LHFPL3: variants seen among roughly 807,000 people sequenced by gnomAD.
The protein encoded by LHFPL3 is LHFPL tetraspan subfamily member 3 protein.
In LHFPL3, 5 loss-of-function variants were observed where a neutral mutation model predicts 19.3. That is an observed-to-expected ratio of 0.26 (90% CI 0.14 to 0.54). The LOEUF (loss-of-function observed/expected upper bound fraction) is 0.54. LHFPL3 is among the 20% of genes least tolerant of loss of function. The pLI is 0.94. For synonymous variants in LHFPL3, 133 were observed against 126.2 expected, an observed-to-expected ratio of 1.05 and a Z score of -0.36; for missense variants, 249 against 307.4, an observed-to-expected ratio of 0.81 and a Z score of 1.42.
chr7:104,832,853 T>C (rs541484531), intron 2 of LHFPL3, among the ~76,000 whole-genome samples: 34 of 145,546 alleles, frequency 2.3e-4, no homozygotes, highest in African/African-American at 7.0e-4. Context: ...GGCATGTGCC[T>C]ATAGTCTCAG....
At chr7:104,499,740 T>C (rs1008954687) in intron 1 of LHFPL3, among the ~76,000 whole-genome samples, 1 of 152,208 alleles carries the variant, frequency 6.6e-6, no homozygotes, top group South Asian at 2.1e-4. Context: ...AAACTAATGA[T>C]CTCATCCATA....
intron 1 of LHFPL3, among the ~76,000 whole-genome samples, chr7:104,730,491 G>A (rs1292196875): frequency 1.3e-5 from 2 of 152,182 alleles, no homozygotes; most frequent in Non-Finnish European, 2.9e-5. Context: ...TTCTCTGATG[G>A]CCAGTGATGG....
At chr7:104,492,580 A>G (rs1257339569) in intron 1 of LHFPL3, among the ~76,000 whole-genome samples, 4 of 152,266 alleles carry the variant, frequency 2.6e-5, no homozygotes, top group Admixed American at 6.5e-5. Flanking sequence ...CATTTAGCAC[A>G]GAGGAACTTC....
At chr7:104,892,357 T>C (rs779393023) in intron 2 of LHFPL3, among the ~76,000 whole-genome samples, 3 of 152,078 alleles carry the variant, frequency 2.0e-5, no homozygotes, top group Non-Finnish European at 4.4e-5. Context: ...TGTGTTCAGC[T>C]CACTGTAAAA....
chr7:104,638,743 A>G (rs918529630), intron 1 of LHFPL3, among the ~76,000 whole-genome samples: 2 of 149,860 alleles, frequency 1.3e-5, no homozygotes, highest in African/African-American at 4.9e-5. Flanking sequence ...GATGAAGCCT[A>G]CTTGATCATG....
Position 104,496,305 on chromosome 7 carries a change from T to A in LHFPL3, c.445+167081T>A, listed in dbSNP as rs544912864. Among the ~76,000 whole-genome samples the A allele has an allele frequency of 3.9e-3, 594 of 152,294 alleles. 4 individuals carry two copies. The highest frequency in any genetic ancestry group is 6.3e-3 in the Admixed American group (97 of 15,290). On this transcript the variant is annotated intron_variant, in intron 1 of 2. Transcript: ENST00000424859. The stretch of plus-strand genomic sequence containing the variant: ...CCCTACAAAGGACATGAATTCATCC[T>A]TTTTTATGGCTGCATAGTATTCCAT...
chr7:104,640,701 G>C (rs1472790267), intron 1 of LHFPL3, among the ~76,000 whole-genome samples: 1 of 152,086 alleles, frequency 6.6e-6, no homozygotes, highest in Non-Finnish European at 1.5e-5. Context: ...GATGCGAGAT[G>C]GTATCTCATT....
intron 2 of LHFPL3, among the ~76,000 whole-genome samples, chr7:104,746,338 G>C (rs1794046306): frequency 6.6e-6 from 1 of 151,976 alleles, no homozygotes; most frequent in Non-Finnish European, 1.5e-5. Context: ...CAGGGATTGG[G>C]TCCCACTCCA....
intron 1 of LHFPL3, among the ~76,000 whole-genome samples, chr7:104,330,790 C>A (rs1801553587): frequency 6.6e-6 from 1 of 151,956 alleles, no homozygotes; most frequent in Non-Finnish European, 1.5e-5. Context: ...ACTTTTATGG[C>A]CATTTCAAGC....
At chr7:104,866,723 G>A (rs1791729976) in intron 2 of LHFPL3, among the ~76,000 whole-genome samples, 2 of 152,098 alleles carry the variant, frequency 1.3e-5, no homozygotes, top group South Asian at 2.1e-4. Flanking sequence ...GCACCAAGGG[G>A]ACCTAATAGA....
chr7:104,620,660 C>G (rs1434688460), intron 1 of LHFPL3, among the ~76,000 whole-genome samples: 1 of 144,990 alleles, frequency 6.9e-6, no homozygotes, highest in Non-Finnish European at 1.5e-5. Flanking sequence ...TAATGTAGCA[C>G]TTTTCCCCCC....
chr7:104,425,820 A>G (rs562346973), intron 1 of LHFPL3, among the ~76,000 whole-genome samples: 1 of 152,330 alleles, frequency 6.6e-6, no homozygotes, highest in South Asian at 2.1e-4. Context: ...GCTGCTTTAG[A>G]TAGAGGACTA....
chr7:104,439,726 C>A (rs535294241), intron 1 of LHFPL3, among the ~76,000 whole-genome samples: 2 of 152,064 alleles, frequency 1.3e-5, no homozygotes, highest in Non-Finnish European at 2.9e-5. Context: ...AAAAAACTTA[C>A]AGCAAAAATA....
chr7:104,391,824 A>G (rs1323725962), intron 1 of LHFPL3, among the ~76,000 whole-genome samples: 1 of 152,172 alleles, frequency 6.6e-6, no homozygotes, highest in Non-Finnish European at 1.5e-5. Context: ...TGAGCATGGA[A>G]TGTTCTTCCA....
At chr7:104,870,430 A>G (rs955734574) in intron 2 of LHFPL3, among the ~76,000 whole-genome samples, 1 of 152,170 alleles carries the variant, frequency 6.6e-6, no homozygotes, top group African/African-American at 2.4e-5. Context: ...GGGAATGGGA[A>G]CATCTGTCTC....
chr7:104,405,142 T>A (rs1791390511), intron 1 of LHFPL3, among the ~76,000 whole-genome samples: 1 of 152,138 alleles, frequency 6.6e-6, no homozygotes, highest in Non-Finnish European at 1.5e-5. Flanking sequence ...TATTGATTCT[T>A]AAGGTAAAAA....
intron 2 of LHFPL3, among the ~76,000 whole-genome samples, chr7:104,787,600 G>A (rs1259127944): frequency 6.6e-6 from 1 of 152,110 alleles, no homozygotes; most frequent in East Asian, 1.9e-4. Context: ...ACCCAAGCTG[G>A]AGTGCAGTGG....
intron 2 of LHFPL3, among the ~76,000 whole-genome samples, chr7:104,818,030 C>T (rs904902081): frequency 2.0e-5 from 3 of 152,136 alleles, no homozygotes; most frequent in Admixed American, 6.5e-5. Context: ...AGCACAGATA[C>T]AGAACATTTC....
chr7:104,432,314 A>G (rs887284515), intron 1 of LHFPL3, among the ~76,000 whole-genome samples: 8 of 152,156 alleles, frequency 5.3e-5, no homozygotes, highest in African/African-American at 1.9e-4. Context: ...TTGGCTCATT[A>G]TCTTGTCAAG....
Sources: gnomAD v4.1 joint callset for allele counts (sites outside exome capture counted in the v4.1 genomes callset) on GRCh38, gnomAD v4.1.1 for gene constraint, MANE v1.5 for transcripts, NCBI Gene and HGNC (gene_info 2026-07-23, HGNC 2026-07-21) for gene names.